AHI1: variants seen among roughly 807,000 people sequenced by gnomAD.
The protein encoded by AHI1 is jouberin.
AHI1 carries 123 observed loss-of-function variants against 149.3 expected under a neutral mutation model. That is an observed-to-expected ratio of 0.82 (90% CI 0.71 to 0.96). The LOEUF (loss-of-function observed/expected upper bound fraction) is 0.96. Ranked by LOEUF, AHI1 falls within the 40% of genes least tolerant of loss-of-function variation. The pLI is 0.00. For synonymous variants in AHI1, 475 were observed against 459.8 expected, an observed-to-expected ratio of 1.03 and a Z score of -0.42; for missense variants, 1,439 against 1,422.7, an observed-to-expected ratio of 1.01 and a Z score of -0.18.
At position 135,283,665 on chromosome 6, in the gene AHI1, T is replaced by C. The variant is rs528577541; in HGVS notation, c.*1980A>G. On this transcript the variant is annotated 3_prime_UTR_variant, in exon 29 of 29. Coordinates refer to ENST00000265602, the MANE Select transcript of AHI1 (RefSeq NM_001134831.2). ...CTCCCCCACCCCATCTCATCTCAGA[T>C]TGTGTGGTAAAGAAACATCTTTTAT... 4 of 152,266 alleles carry C rather than the reference T, an allele frequency of 2.6e-5. No homozygotes were observed. In the South Asian group the frequency reaches 8.3e-4, roughly 32 times the overall value. 9.4% of individuals were successfully genotyped at this position (152,266 alleles called of 1,614,324 possible).
rs550468434 is a variant in AHI1, at chr6:135,406,994, C to T, written c.2962-2017G>A. 5.3e-5 allele frequency among the ~76,000 whole-genome samples: 8 copies of T among 152,252 alleles called. No individual in the cohort carries two copies. The South Asian group carries it at 1.7e-3, about 32-fold the overall frequency. Reference sequence around the variant, plus strand: ...TCTCAAGATACCCGTGAAGTCTTACCTGGGTTGCAGAATGCTGTTAGGTAT... The same window carrying T: ...TCTCAAGATACCCGTGAAGTCTTACTTGGGTTGCAGAATGCTGTTAGGTAT... On this transcript the variant is annotated intron_variant, in intron 21 of 28. Coordinates refer to ENST00000265602, the MANE Select transcript of AHI1 (RefSeq NM_001134831.2).
intron 24 of AHI1, among the ~76,000 whole-genome samples, chr6:135,342,594 A>G (rs1790543440): frequency 6.6e-6 from 1 of 151,898 alleles, no homozygotes; most frequent in Non-Finnish European, 1.5e-5. Context: ...TTAACATATG[A>G]AAATCTACCA....
intron 26 of AHI1, among the ~76,000 whole-genome samples, chr6:135,317,100 C>T (rs1026767296): frequency 1.1e-4 from 17 of 152,076 alleles, no homozygotes; most frequent in African/African-American, 3.9e-4. Context: ...CTCCATCCCC[C>T]CTAGTTCAGG....
rs759523949 is a variant in AHI1, at chr6:135,358,155, G to GGTTA, written c.3138_3141dup (p.His1048Ter). The GGTTA allele has an allele frequency of 5.0e-6, 8 of 1,612,850 alleles. No individual in the cohort carries two copies. In the South Asian group the frequency reaches 6.6e-5, roughly 13 times the overall value. On this transcript the variant is annotated stop_gained and frameshift_variant, in exon 24 of 29. Coordinates refer to ENST00000265602, the MANE Select transcript of AHI1 (RefSeq NM_001134831.2). LOFTEE classifies it high-confidence loss of function. ...ACCGTTGGTGCTGTATCTACCTGAT[G>GGTTA]GTTACAAGGCTTTCTTTCTATGCTG...
chr6:135,299,538 T>C (rs1208295610), intron 27 of AHI1, among the ~76,000 whole-genome samples: 2 of 152,192 alleles, frequency 1.3e-5, no homozygotes, highest in Non-Finnish European at 2.9e-5. Flanking sequence ...TTCCGTTATA[T>C]TTTGTTAGTA....
At chr6:135,473,390 T>G (rs983051649) in intron 5 of AHI1, among the ~76,000 whole-genome samples, 16 of 152,168 alleles carry the variant, frequency 1.1e-4, no homozygotes, top group African/African-American at 3.6e-4. Flanking sequence ...AATTCCAACT[T>G]TGTTCCTTTT....
chr6:135,432,235 C>A (rs1784767412), intron 16 of AHI1, among the ~76,000 whole-genome samples: 1 of 152,126 alleles, frequency 6.6e-6, no homozygotes, highest in South Asian at 2.1e-4. Context: ...AATTATAGCG[C>A]TAGCCTACAT....
intron 24 of AHI1, among the ~76,000 whole-genome samples, chr6:135,326,263 G>C (rs939556097): frequency 6.6e-6 from 1 of 152,076 alleles, no homozygotes; most frequent in Non-Finnish European, 1.5e-5. Flanking sequence ...CATAGGGGTG[G>C]GGCCTGGATT....
intron 24 of AHI1, among the ~76,000 whole-genome samples, chr6:135,330,580 C>T (rs777766388): frequency 6.6e-6 from 1 of 152,186 alleles, no homozygotes; most frequent in Non-Finnish European, 1.5e-5. Context: ...CTGTGATATT[C>T]ACGGTATTGC....
At chr6:135,350,708 A>G (rs1395763365) in intron 24 of AHI1, among the ~76,000 whole-genome samples, 1 of 152,202 alleles carries the variant, frequency 6.6e-6, no homozygotes, top group Non-Finnish European at 1.5e-5. Flanking sequence ...AAGGCCTATT[A>G]TGCAAAAGGT....
intron 24 of AHI1, among the ~76,000 whole-genome samples, chr6:135,325,258 C>T (rs1435100296): frequency 1.3e-5 from 2 of 152,160 alleles, no homozygotes; most frequent in Non-Finnish European, 2.9e-5. Context: ...AACTCCTGAC[C>T]TCAGGTGATC....
chr6:135,354,113 T>C (rs1792581556), intron 24 of AHI1, among the ~76,000 whole-genome samples: 1 of 152,076 alleles, frequency 6.6e-6, no homozygotes, highest in Non-Finnish European at 1.5e-5. Flanking sequence ...TCTGTGAAAA[T>C]GCAAGCTGTA....
intron 24 of AHI1, 56 bp downstream of exon 24, chr6:135,358,076 A>T: frequency 6.7e-7 from 1 of 1,485,444 alleles, no homozygotes; most frequent in South Asian, 1.2e-5. Context: ...AACTATAACC[A>T]GTATAATTTT....
chr6:135,399,960 G>A (rs1022405614), intron 22 of AHI1, among the ~76,000 whole-genome samples: 5 of 151,904 alleles, frequency 3.3e-5, no homozygotes, highest in African/African-American at 1.2e-4. Context: ...AGGTAAACTC[G>A]TGTCACAGGG....
intron 15 of AHI1, among the ~76,000 whole-genome samples, chr6:135,437,325 C>A (rs1785561290): frequency 1.3e-5 from 2 of 152,200 alleles, no homozygotes; most frequent in Admixed American, 1.3e-4. Context: ...TCCAAAGTCA[C>A]CCCTCAGCAA....
chr6:135,475,113 T>C (rs1203955517), intron 5 of AHI1, among the ~76,000 whole-genome samples: 1 of 152,240 alleles, frequency 6.6e-6, no homozygotes, highest in Non-Finnish European at 1.5e-5. Context: ...GTTATCTATT[T>C]CTTTTTGAGT....
intron 19 of AHI1, among the ~76,000 whole-genome samples, chr6:135,427,804 T>C (rs1007835616): frequency 2.0e-5 from 3 of 151,302 alleles, no homozygotes; most frequent in Non-Finnish European, 4.4e-5. Context: ...GCCTAAAAGA[T>C]GTCTAAAGTA....
At chr6:135,299,116 TA>T (rs750754932) in intron 27 of AHI1, among the ~76,000 whole-genome samples, 2 of 152,158 alleles carry the variant, frequency 1.3e-5, no homozygotes, top group Non-Finnish European at 2.9e-5. Flanking sequence ...AGACTGGAAC[TA>T]AAAACATATC....
chr6:135,315,249 A>G (rs756649203), intron 26 of AHI1, among the ~76,000 whole-genome samples: 1 of 152,154 alleles, frequency 6.6e-6, no homozygotes, highest in African/African-American at 2.4e-5. Context: ...CAGCTTTTAT[A>G]CATACTTTAT....
Sources: gnomAD v4.1 joint callset for allele counts (sites outside exome capture counted in the v4.1 genomes callset) on GRCh38, gnomAD v4.1.1 for gene constraint, MANE v1.5 for transcripts, NCBI Gene and HGNC (gene_info 2026-07-23, HGNC 2026-07-21) for gene names.